The following VPS13B variants were observed in gnomAD, a reference collection of about 807,000 sequenced individuals.
The protein encoded by VPS13B is intermembrane lipid transfer protein VPS13B.
VPS13B carries 285 observed loss-of-function variants against 426.4 expected under a neutral mutation model. The observed-to-expected ratio is 0.67, with a 90% confidence interval of 0.61 to 0.74. The LOEUF (loss-of-function observed/expected upper bound fraction) is 0.74, where lower values mean the gene tolerates loss of function less well. Ranked by LOEUF, VPS13B falls within the 30% of genes least tolerant of loss-of-function variation. VPS13B has a pLI of 0.00. For synonymous variants in VPS13B, 1,676 were observed against 1,676.4 expected (o/e 1.00, Z 0.01); for missense variants, 4,537 against 4,782.6 (o/e 0.95, Z 1.51).
intron 8 of VPS13B, among the ~76,000 whole-genome samples, chr8:99,122,654 A>G (rs1202340560): frequency 6.6e-6 from 1 of 152,178 alleles, no homozygotes; most frequent in Non-Finnish European, 1.5e-5. Context: ...ATAATATCTT[A>G]ATTCATTCAA....
At chr8:99,481,538 T>C in intron 24 of VPS13B, 61 bp from the exon 25 acceptor site, 1 of 1,519,094 alleles carries the variant, frequency 6.6e-7, no homozygotes, top group East Asian at 2.2e-5. Context: ...ATTATTATTT[T>C]AGTGGATTGA....
At chr8:99,803,456 C>CT (rs1391019209) in intron 43 of VPS13B, among the ~76,000 whole-genome samples, 18 of 152,304 alleles carry the variant, frequency 1.2e-4, no homozygotes, top group Admixed American at 4.6e-4. Context: ...CTTACTTTCT[C>CT]TTTTTCTTTT....
intron 33 of VPS13B, among the ~76,000 whole-genome samples, chr8:99,641,264 T>C (rs1458368073): frequency 6.6e-6 from 1 of 152,242 alleles, no homozygotes; most frequent in Non-Finnish European, 1.5e-5. Context: ...TCTTTTGAAA[T>C]GGCATGCATT....
chr8:99,762,026 GT>G (rs916062336), intron 39 of VPS13B, among the ~76,000 whole-genome samples: 2 of 148,662 alleles, frequency 1.3e-5, no homozygotes, highest in Non-Finnish European at 3.0e-5. Context: ...TTTGCTTGTG[GT>G]TTTTTTTTTA....
chr8:99,575,815 C>T, intron 32 of VPS13B, 31 bp downstream of exon 32: 1 of 1,603,840 alleles, frequency 6.2e-7, no homozygotes, highest in Non-Finnish European at 8.5e-7. Flanking sequence ...TTATTTTAGT[C>T]TAAATAATGG....
intron 33 of VPS13B, among the ~76,000 whole-genome samples, chr8:99,593,412 G>A (rs773013141): frequency 6.6e-6 from 1 of 152,022 alleles, no homozygotes; most frequent in Non-Finnish European, 1.5e-5. Flanking sequence ...AAAAACAACA[G>A]ATGCTTGCAA....
At chr8:99,619,636 C>T (rs1209621746) in intron 33 of VPS13B, among the ~76,000 whole-genome samples, 1 of 152,118 alleles carries the variant, frequency 6.6e-6, no homozygotes, top group Non-Finnish European at 1.5e-5. Context: ...CTTTGGTAGG[C>T]CAAGACAGGA....
chr8:99,204,562 G>A (rs766343688), intron 17 of VPS13B, among the ~76,000 whole-genome samples: 41 of 152,106 alleles, frequency 2.7e-4, no homozygotes, highest in Non-Finnish European at 5.0e-4. Context: ...TCTCATCAGC[G>A]TGAACAGGCA....
At chr8:99,224,399 T>C (rs1401287415) in intron 17 of VPS13B, among the ~76,000 whole-genome samples, 1 of 152,166 alleles carries the variant, frequency 6.6e-6, no homozygotes, top group Non-Finnish European at 1.5e-5. Flanking sequence ...TAGTGAGACA[T>C]GGGAAATCTT....
intron 15 of VPS13B, among the ~76,000 whole-genome samples, chr8:99,161,846 C>T (rs1419396606): frequency 6.6e-6 from 1 of 151,442 alleles, no homozygotes; most frequent in Non-Finnish European, 1.5e-5. Context: ...GATTCTCCTG[C>T]CTCAGCCTCC....
At chr8:99,684,075 A>G (rs1422277879) in intron 35 of VPS13B, among the ~76,000 whole-genome samples, 1 of 152,178 alleles carries the variant, frequency 6.6e-6, no homozygotes, top group African/African-American at 2.4e-5. Context: ...TTCTGCATCA[A>G]TTGATAGTAT....
At chr8:99,826,114 A>T (rs974875909) in intron 51 of VPS13B, among the ~76,000 whole-genome samples, 9 of 152,242 alleles carry the variant, frequency 5.9e-5, no homozygotes, top group East Asian at 3.9e-4. Context: ...AAGAAAGTCA[A>T]TGGTAGCTTG....
chr8:99,691,609 C>T (rs1260250769), intron 35 of VPS13B, among the ~76,000 whole-genome samples: 1 of 151,258 alleles, frequency 6.6e-6, no homozygotes, highest in Non-Finnish European at 1.5e-5. Flanking sequence ...TAAAGACCAT[C>T]GAGACTAGGA....
chr8:99,355,388 C>G (rs536185307), intron 19 of VPS13B, among the ~76,000 whole-genome samples: 1 of 152,178 alleles, frequency 6.6e-6, no homozygotes, highest in East Asian at 1.9e-4. Flanking sequence ...GTCAAGAGAT[C>G]GAGACCATCC....
At chr8:99,423,432 T>TG (rs201471362) in intron 21 of VPS13B, among the ~76,000 whole-genome samples, 9,626 of 151,250 alleles carry the variant, frequency 0.064, 338 homozygotes, top group South Asian at 0.097. Flanking sequence ...AATTTTTTTT[T>TG]TTTTTTTGTA....
At chr8:99,304,061 C>G (rs551461382) in intron 19 of VPS13B, among the ~76,000 whole-genome samples, 2 of 152,186 alleles carry the variant, frequency 1.3e-5, no homozygotes, top group South Asian at 4.1e-4. Context: ...GTCTCCACTG[C>G]ATGTGATTTT....
chr8:99,290,237 A>T (rs1187623177), intron 19 of VPS13B, among the ~76,000 whole-genome samples: 1 of 152,134 alleles, frequency 6.6e-6, no homozygotes, highest in Non-Finnish European at 1.5e-5. Context: ...TCACAATAGC[A>T]AAGACTTGGA....
chr8:99,317,747 G>A (rs1809752636), intron 19 of VPS13B, among the ~76,000 whole-genome samples: 1 of 152,004 alleles, frequency 6.6e-6, no homozygotes, highest in African/African-American at 2.4e-5. Flanking sequence ...GAACCATTCA[G>A]TTATTATTTG....
chr8:99,586,687 T>G (rs1010079085), intron 33 of VPS13B, among the ~76,000 whole-genome samples: 1 of 152,106 alleles, frequency 6.6e-6, no homozygotes, highest in African/African-American at 2.4e-5. Flanking sequence ...TGAAAGTGCT[T>G]TACAACAAAT....
Sources: gnomAD v4.1 joint callset for allele counts (sites outside exome capture counted in the v4.1 genomes callset) on GRCh38, gnomAD v4.1.1 for gene constraint, MANE v1.5 for transcripts, NCBI Gene and HGNC (gene_info 2026-07-23, HGNC 2026-07-21) for gene names.